Variants in USP10 observed in about 807,000 individuals in gnomAD.
USP10 encodes ubiquitin specific peptidase 10, also known as ubiquitin carboxyl-terminal hydrolase 10.
A neutral mutation model predicts 84.5 loss-of-function variants in USP10; 22 were observed. That is an observed-to-expected ratio of 0.26 (90% CI 0.19 to 0.37). USP10 has a LOEUF of 0.37. USP10 is among the 10% of genes least tolerant of loss of function. The pLI, the probability that USP10 is intolerant of heterozygous loss-of-function variation, is 1.00. For missense variants in USP10, 1,019 were observed against 998.9 expected (o/e 1.02, Z -0.27); for synonymous variants, 454 against 387.6 (o/e 1.17, Z -2.01).
intron 1 of USP10, among the ~76,000 whole-genome samples, chr16:84,705,571 CTCCT>C (rs977566002): frequency 1.3e-5 from 2 of 151,608 alleles, no homozygotes; most frequent in Non-Finnish European, 2.9e-5. Flanking sequence ...ATCTAGCTGA[CTCCT>C]CCCTCCGTCC....
chr16:84,722,310 G>A (rs182168784), intron 1 of USP10, among the ~76,000 whole-genome samples: 1 of 152,322 alleles, frequency 6.6e-6, no homozygotes, highest in Admixed American at 6.5e-5. Flanking sequence ...CTTTGTGGAT[G>A]TCCCACAGTT....
chr16:84,776,242 C>T (rs994701392), intron 13 of USP10, among the ~76,000 whole-genome samples: 5 of 152,126 alleles, frequency 3.3e-5, no homozygotes, highest in African/African-American at 4.8e-5. Context: ...AGCTCACGCC[C>T]GATGTTTTAG....
chr16:84,706,474 ATATT>A (rs1905524590), intron 1 of USP10, among the ~76,000 whole-genome samples: 1 of 148,500 alleles, frequency 6.7e-6, no homozygotes, highest in Non-Finnish European at 1.5e-5. Flanking sequence ...GACTATATAT[ATATT>A]TATATGTATT....
Position 84,745,546 on chromosome 16 carries a change from G to C in USP10, c.1065G>C (p.Ser355=), listed in dbSNP as rs551624637. The change falls in exon 4 of 14, where the codon TCG becomes TCC. Residue 355 remains serine, a synonymous_variant. Coordinates refer to ENST00000219473, the MANE Select transcript of USP10 (RefSeq NM_005153.3). Reference sequence around the variant, plus strand: ...ATGATTCTAAGCCCTCTTCCTCCTCGCCGGTGGCCTATGTGGAAACTAAGT... The same window carrying C: ...ATGATTCTAAGCCCTCTTCCTCCTCCCCGGTGGCCTATGTGGAAACTAAGT... ...LFHDSKPSSS[S]PVAYVETKYS... is the part of the protein sequence containing the mutation. 7.4e-6 allele frequency: 12 copies of C among 1,612,322 alleles called. No homozygotes were observed. The highest frequency in any genetic ancestry group is 4.5e-5 in the East Asian group (2 of 44,846).
At chr16:84,705,907 A>C (rs1271777524) in intron 1 of USP10, among the ~76,000 whole-genome samples, 1 of 151,578 alleles carries the variant, frequency 6.6e-6, no homozygotes, top group Non-Finnish European at 1.5e-5. Context: ...TTTTTAGTAG[A>C]AACGGGGTTT....
At chr16:84,764,953 T>TATATAC (rs1180254887) in intron 10 of USP10, among the ~76,000 whole-genome samples, 1 of 143,428 alleles carries the variant, frequency 7.0e-6, no homozygotes, top group Non-Finnish European at 1.5e-5. Flanking sequence ...TATATATATA[T>TATATAC]ATTAGACTTC....
intron 13 of USP10, among the ~76,000 whole-genome samples, chr16:84,777,921 G>A (rs1013171113): frequency 6.6e-6 from 1 of 152,204 alleles, no homozygotes; most frequent in Non-Finnish European, 1.5e-5. Flanking sequence ...CCGCCTTCCC[G>A]AGGCTGGTGT....
At chr16:84,735,196 G>GGTGTGTGTGT (rs34240400) in intron 2 of USP10, among the ~76,000 whole-genome samples, 20 of 146,378 alleles carry the variant, frequency 1.4e-4, no homozygotes, top group Non-Finnish European at 2.4e-4. Flanking sequence ...AGGCCCGGGT[G>GGTGTGTGTGT]GTGTGTGTGT....
At chr16:84,732,857 A>T (rs149589565) in intron 1 of USP10, among the ~76,000 whole-genome samples, 1 of 152,210 alleles carries the variant, frequency 6.6e-6, no homozygotes, top group African/African-American at 2.4e-5. Context: ...CACATTCTGA[A>T]TTCCGTGAAA....
At position 84,779,100 on chromosome 16, in the gene USP10, T is replaced by C; in HGVS notation, c.*18T>C. On this transcript the variant is annotated 3_prime_UTR_variant, in exon 14 of 14. Coordinates refer to ENST00000219473, the MANE Select transcript of USP10 (RefSeq NM_005153.3). The stretch of plus-strand genomic sequence containing the variant: ...TGCTGTAAACCCTGTGTGCGCTGTG[T>C]GTGCGCCCAGTGCCCGCTTCGTAGG... 1 of 1,600,874 alleles carries C rather than the reference T, an allele frequency of 6.2e-7. No homozygotes were observed. Among genetic ancestry groups the C allele is most frequent in the Non-Finnish European group, 8.6e-7 (1 of 1,169,456 alleles).
At chr16:84,756,658 A>G (rs1377232899) in intron 4 of USP10, among the ~76,000 whole-genome samples, 1 of 152,238 alleles carries the variant, frequency 6.6e-6, no homozygotes. Context: ...GTTTAAAAAA[A>G]AAAGTCATTT....
chr16:84,743,733 T>A (rs1910891173), intron 3 of USP10, among the ~76,000 whole-genome samples: 1 of 152,246 alleles, frequency 6.6e-6, no homozygotes, highest in Non-Finnish European at 1.5e-5. Context: ...TAACCTGATT[T>A]CAGAGGTGTA....
At chr16:84,708,186 A>G (rs948657747) in intron 1 of USP10, among the ~76,000 whole-genome samples, 2 of 152,046 alleles carry the variant, frequency 1.3e-5, no homozygotes, top group African/African-American at 2.4e-5. Flanking sequence ...GTGGTGGCTC[A>G]CGCGTGTAAT....
chr16:84,779,222 G>A lies in USP10; in HGVS notation c.*140G>A. 1.0e-6 allele frequency: 1 copy of A among 983,412 alleles called. No homozygotes were observed. The highest frequency in any genetic ancestry group is 1.8e-5 in the South Asian group (1 of 54,402). The allele number at this position is 983,412 out of a possible 1,614,324, so 60.9% of individuals were successfully genotyped here. On this transcript the variant is annotated 3_prime_UTR_variant, in exon 14 of 14. Transcript: ENST00000219473. ...AAATGGGCTAGAATGAAAAGGAGAT[G>A]CCTTGGGGTTCGTGCACAACACAGC...
At chr16:84,774,661 G>C (rs542636485) in intron 12 of USP10, among the ~76,000 whole-genome samples, 2 of 151,916 alleles carry the variant, frequency 1.3e-5, no homozygotes, top group Non-Finnish European at 2.9e-5. Context: ...TAATAGAGAC[G>C]TGGTTTCACT....
Position 84,778,930 on chromosome 16 carries a change from C to T in USP10, c.2245C>T (p.His749Tyr). The T allele has an allele frequency of 6.2e-7, 1 of 1,613,914 alleles. No homozygotes were observed. The highest frequency in any genetic ancestry group is 8.5e-7 in the Non-Finnish European group (1 of 1,179,866). The change falls in exon 14 of 14, where the codon CAT becomes TAT. Residue 749 changes from histidine to tyrosine, a missense_variant. Coordinates refer to ENST00000219473, the MANE Select transcript of USP10 (RefSeq NM_005153.3). ...TCACGGCAACAGTGCGACGGGCGGC[C>T]ATTACACTACAGACGTCTTCCAGAT... ...YHHGNSATGG[H>Y]YTTDVFQIGL...
intron 13 of USP10, among the ~76,000 whole-genome samples, chr16:84,776,779 G>T (rs547112015): frequency 3.3e-5 from 5 of 152,240 alleles, no homozygotes; most frequent in Admixed American, 3.3e-4. Flanking sequence ...CTGGGCCTGG[G>T]TTGCTCTCCC....
At chr16:84,752,417 G>C (rs911046071) in intron 4 of USP10, among the ~76,000 whole-genome samples, 1 of 152,196 alleles carries the variant, frequency 6.6e-6, no homozygotes, top group Non-Finnish European at 1.5e-5. Flanking sequence ...TGGAATGCAG[G>C]TCAAGTTTCA....
At chr16:84,773,648 T>C (rs1383797116) in intron 12 of USP10, among the ~76,000 whole-genome samples, 1 of 152,212 alleles carries the variant, frequency 6.6e-6, no homozygotes, top group Admixed American at 6.5e-5. Context: ...CTCACACTTC[T>C]AGCTGCCTTA....
Sources: gnomAD v4.1 joint callset for allele counts (sites outside exome capture counted in the v4.1 genomes callset) on GRCh38, gnomAD v4.1.1 for gene constraint, MANE v1.5 for transcripts, NCBI Gene and HGNC (gene_info 2026-07-23, HGNC 2026-07-21) for gene names.